The following DNMBP variants were observed in gnomAD, a reference collection of about 807,000 sequenced individuals.
DNMBP encodes dynamin-binding protein.
A neutral mutation model predicts 150.0 loss-of-function variants in DNMBP; 87 were observed. That is an observed-to-expected ratio of 0.58 (90% CI 0.49 to 0.69). The LOEUF is 0.69. DNMBP is among the 30% of genes least tolerant of loss of function. The probability of loss-of-function intolerance (pLI) is 0.00; values close to 1 mark genes in which losing one functional copy is unlikely to be tolerated. For synonymous variants in DNMBP, 711 were observed against 750.4 expected, an observed-to-expected ratio of 0.95 and a Z score of 0.86; for missense variants, 1,774 against 1,949.0, an observed-to-expected ratio of 0.91 and a Z score of 1.69.
chr10:99,956,257 G>A lies in DNMBP; in HGVS notation c.1217C>T (p.Thr406Ile), dbSNP rs1159717443. 6.2e-7 allele frequency: 1 copy of A among 1,613,896 alleles called. No individual in the cohort carries two copies. Among genetic ancestry groups the A allele is most frequent in the East Asian group, 2.2e-5 (1 of 44,844 alleles). Residue 406 changes from threonine to isoleucine, a missense_variant, in exon 4 of 17, where the codon ACA (threonine) becomes ATA (isoleucine). By Grantham distance (89) the Thr-to-Ile change is moderately conservative. Around this residue, in one of 2 missense-constraint regions of DNMBP, gnomAD observed 1,430 missense variants for 1,492.5 expected, o/e 0.96. Transcript: ENST00000324109. ...GGAGGAAATACCATTGACTACTTCT[G>A]TAGGGTCAGATGTGGGAGAGTCTGT... ...LATDSPTSDP[T>I]EVVNGISSQP...
chr10:100,008,275 A>T (rs1161550791), intron 1 of DNMBP, among the ~76,000 whole-genome samples: 1 of 152,240 alleles, frequency 6.6e-6, no homozygotes, highest in Non-Finnish European at 1.5e-5. Context: ...TCGTTTATGA[A>T]GATTATTATT....
intron 4 of DNMBP, among the ~76,000 whole-genome samples, chr10:99,952,560 G>A (rs746773854): frequency 3.3e-5 from 5 of 152,138 alleles, no homozygotes; most frequent in South Asian, 2.1e-4. Context: ...GCAACCCAGC[G>A]GCCTGGCTCC....
intron 4 of DNMBP, among the ~76,000 whole-genome samples, chr10:99,915,168 CACATATAT>C (rs1385288291): frequency 7.1e-6 from 1 of 140,054 alleles, no homozygotes; most frequent in Non-Finnish European, 1.5e-5. Flanking sequence ...TACACATATA[CACATATAT>C]ACATCTACAC....
intron 3 of DNMBP, among the ~76,000 whole-genome samples, chr10:99,968,200 T>C (rs1475618528): frequency 6.6e-6 from 1 of 152,068 alleles, no homozygotes; most frequent in East Asian, 1.9e-4. Flanking sequence ...ATCACTTCCT[T>C]TTAAACTGGC....
At chr10:99,893,675 T>C (rs1339947809) in intron 11 of DNMBP, among the ~76,000 whole-genome samples, 1 of 152,142 alleles carries the variant, frequency 6.6e-6, no homozygotes, top group Non-Finnish European at 1.5e-5. Context: ...TGCAGTGAGC[T>C]GAGATTCTGC....
In DNMBP at chr10:99,970,971, C is replaced by CAAAAAAAAAAAAAAAAAAAAAAAAAAA. The variant is rs532226561; in HGVS notation, c.145+982_145+1008dup. 2.2e-3 allele frequency among the ~76,000 whole-genome samples: 74 copies of CAAAAAAAAAAAAAAAAAAAAAAAAAAA among 33,196 alleles called. 17 individuals are homozygous for CAAAAAAAAAAAAAAAAAAAAAAAAAAA. The highest frequency in any genetic ancestry group is 5.5e-3 in the East Asian group (4 of 726). 21.8% of individuals were successfully genotyped at this position (33,196 alleles called of 152,430 possible). On this transcript the variant is annotated intron_variant, in intron 2 of 16. Coordinates refer to ENST00000324109, the MANE Select transcript of DNMBP (RefSeq NM_015221.4). ...TGGGCAACAGAGCAAGACTCCGTCT[C>CAAAAAAAAAAAAAAAAAAAAAAAAAAA]AAAAAAAAAAAAAAAAAAAAAAAAA...
chr10:99,909,196 C>A, intron 4 of DNMBP, 50 bp from the exon 5 acceptor site: 1 of 1,486,110 alleles, frequency 6.7e-7, no homozygotes, highest in Non-Finnish European at 9.2e-7. Flanking sequence ...AAAAGCAGCA[C>A]CCTTCCACAG....
intron 1 of DNMBP, among the ~76,000 whole-genome samples, chr10:99,986,038 A>T (rs1215205428): frequency 3.3e-5 from 5 of 152,180 alleles, no homozygotes; most frequent in Non-Finnish European, 7.4e-5. Flanking sequence ...GGTGTGAGCC[A>T]CGGTGCCTGG....
At chr10:99,976,446 T>C (rs2133360483) in intron 1 of DNMBP, among the ~76,000 whole-genome samples, 1 of 152,368 alleles carries the variant, frequency 6.6e-6, no homozygotes. Context: ...GTCTATCTTT[T>C]AGGCCTTTCT....
chr10:99,887,316 A>G (rs951341795), intron 12 of DNMBP, among the ~76,000 whole-genome samples: 2 of 152,168 alleles, frequency 1.3e-5, no homozygotes, highest in Non-Finnish European at 2.9e-5. Context: ...TGGGCAGACC[A>G]CTTGAGGTCA....
intron 4 of DNMBP, among the ~76,000 whole-genome samples, chr10:99,927,588 A>G (rs2040095901): frequency 6.6e-6 from 1 of 152,198 alleles, no homozygotes; most frequent in Non-Finnish European, 1.5e-5. Flanking sequence ...GTTCCCTTGT[A>G]ATATTCAGGA....
Position 99,956,123 on chromosome 10 carries a change from C to T in DNMBP, c.1351G>A (p.Ala451Thr), listed in dbSNP as rs368211861. ...EQYPDLLPLE[A>T]RTRDYASLPP... Reference sequence around the variant, plus strand: ...AGGCTGGCATAGTCTCTAGTCCTTGCTTCTAGGGGAAGAAGGTCGGGGTAC... The same window carrying T: ...AGGCTGGCATAGTCTCTAGTCCTTGTTTCTAGGGGAAGAAGGTCGGGGTAC... The change falls in exon 4 of 17, where the codon GCA (alanine) becomes ACA (threonine). Residue 451 changes from alanine (A) to threonine (T), a missense_variant. Physicochemically the swap from Ala to Thr is moderately conservative, Grantham distance 58. Around this residue, in one of 2 missense-constraint regions of DNMBP, gnomAD observed 1,430 missense variants for 1,492.5 expected, o/e 0.96. Coordinates refer to ENST00000324109, the MANE Select transcript of DNMBP (RefSeq NM_015221.4). The T allele has an allele frequency of 6.2e-7, 1 of 1,614,138 alleles. No individual in the cohort carries two copies. The highest frequency in any genetic ancestry group is 1.1e-5 in the South Asian group (1 of 91,080).
chr10:100,009,880 T>G lies in DNMBP; in HGVS notation c.-53A>C, dbSNP rs2041115437. The G allele has an allele frequency of 6.7e-6, 1 of 148,176 alleles. No homozygotes were observed. Among genetic ancestry groups the G allele is most frequent in the Admixed American group, 6.7e-5 (1 of 14,968 alleles). The allele number at this position is 148,176 out of a possible 1,614,324, so 9.2% of individuals were successfully genotyped here. ...GCGGTCCCTCGGCGCGGCAGGCAGT[T>G]GCAGCCGCCAGTCCCCAGCCCGCTG... On this transcript the variant is annotated 5_prime_UTR_variant, in exon 1 of 17. Coordinates refer to ENST00000324109, the MANE Select transcript of DNMBP (RefSeq NM_015221.4).
In DNMBP at chr10:99,883,991, CT is replaced by C. The variant is rs1260997641; in HGVS notation, c.3997+19del. 1 of 1,612,184 alleles carries C rather than the reference CT, an allele frequency of 6.2e-7. No individual in the cohort carries two copies. The highest frequency in any genetic ancestry group is 1.1e-5 in the South Asian group (1 of 90,990). On this transcript the variant is annotated intron_variant, in intron 15 of 16. Coordinates refer to ENST00000324109, the MANE Select transcript of DNMBP (RefSeq NM_015221.4). ...ATTTTTTTTTTCCAGTTACAGTCCTCTGCTGCTTAAAATTCTTACCTCCATT... is the reference window on the plus strand; with the variant it reads ...ATTTTTTTTTTCCAGTTACAGTCCTCGCTGCTTAAAATTCTTACCTCCATT...
In DNMBP at chr10:99,983,153, A is replaced by T. The variant is rs997474749; in HGVS notation, c.-10-11019T>A. Among the ~76,000 whole-genome samples the T allele has an allele frequency of 3.3e-5, 5 of 152,170 alleles. 1 individual carries two copies. Among genetic ancestry groups the T allele is most frequent in the Non-Finnish European group, 7.3e-5 (5 of 68,034 alleles). ...GTCCAGCGGAGGTTCCTTCAAAAGA[A>T]TATGCTTCCATGAGCATCCTTATGT... On this transcript the variant is annotated intron_variant, in intron 1 of 16. Coordinates refer to ENST00000324109, the MANE Select transcript of DNMBP (RefSeq NM_015221.4).
At chr10:99,891,918 G>A (rs1267073218) in intron 11 of DNMBP, among the ~76,000 whole-genome samples, 4 of 148,544 alleles carry the variant, frequency 2.7e-5, no homozygotes, top group Admixed American at 2.0e-4. Context: ...GAGGGAGGTG[G>A]GGGGGTCAGC....
In DNMBP at chr10:99,883,924, T is replaced by C. The variant is rs2039410258; in HGVS notation, c.3997+87A>G. ...TTAATCAAAGATACTTTTTGCTTTT[T>C]TTTCCTGGCCTAGTCCAGATTCGGG... On this transcript the variant is annotated intron_variant, in intron 15 of 16. Transcript: ENST00000324109. 8 of 1,327,186 alleles carry C rather than the reference T, an allele frequency of 6.0e-6. No homozygotes were observed. The South Asian group carries it at 1.1e-4, about 17-fold the overall frequency. 82.2% of individuals were successfully genotyped at this position (1,327,186 alleles called of 1,614,324 possible).
At chr10:99,924,461 A>G (rs906663553) in intron 4 of DNMBP, among the ~76,000 whole-genome samples, 1 of 152,200 alleles carries the variant, frequency 6.6e-6, no homozygotes, top group African/African-American at 2.4e-5. Flanking sequence ...CAAAAACAAA[A>G]AACAAAAAAG....
intron 1 of DNMBP, among the ~76,000 whole-genome samples, chr10:99,994,237 G>A (rs1337815532): frequency 1.3e-5 from 2 of 152,144 alleles, no homozygotes; most frequent in Non-Finnish European, 2.9e-5. Flanking sequence ...CTGAACTTTA[G>A]TTTCCTCATC....
Sources: gnomAD v4.1 joint callset for allele counts (sites outside exome capture counted in the v4.1 genomes callset) on GRCh38, gnomAD v4.1.1 for gene constraint, gnomAD v4.1.1 regional missense constraint, MANE v1.5 for transcripts, NCBI Gene and HGNC (gene_info 2026-07-23, HGNC 2026-07-21) for gene names.